Variants in EVL observed in about 807,000 individuals in gnomAD.
EVL encodes Enah/Vasp-like, also known as ena/VASP-like protein.
EVL carries 21 observed loss-of-function variants against 59.6 expected under a neutral mutation model. That is an observed-to-expected ratio of 0.35 (90% CI 0.25 to 0.51). The LOEUF is 0.51. Among genes scored for constraint, EVL ranks in the 20% least tolerant of loss-of-function variants. The pLI, the probability that EVL is intolerant of heterozygous loss-of-function variation, is 0.97. For synonymous variants in EVL, 198 were observed against 203.5 expected (o/e 0.97, Z 0.23); for missense variants, 462 against 546.6 (o/e 0.85, Z 1.54).
intron 1 of EVL, among the ~76,000 whole-genome samples, chr14:99,986,954 T>C (rs1465025203): frequency 2.0e-5 from 3 of 152,154 alleles, no homozygotes; most frequent in Non-Finnish European, 2.9e-5. Flanking sequence ...AGAACTCTTA[T>C]GGGAGAAAAT....
intron 1 of EVL, among the ~76,000 whole-genome samples, chr14:100,007,455 T>G (rs2060989707): frequency 6.6e-6 from 1 of 152,210 alleles, no homozygotes; most frequent in Non-Finnish European, 1.5e-5. Flanking sequence ...GGCCCCAAGA[T>G]TTATTTTCCT....
intron 2 of EVL, among the ~76,000 whole-genome samples, chr14:100,089,155 C>A (rs2140307836): frequency 6.6e-6 from 1 of 152,274 alleles, no homozygotes; most frequent in East Asian, 1.9e-4. Context: ...ACGCAAAAAT[C>A]TAAAGGGAGA....
At position 100,004,446 on chromosome 14, in the gene EVL, G is replaced by A. The variant is rs117010932; in HGVS notation, c.5+32389G>A. On this transcript the variant is annotated intron_variant, in intron 1 of 13. Transcript: ENST00000402714. ...GAGTAAATCAATCCCTTAAGAAAAT[G>A]TTACTGTTCTAGTCAGTTCTTTAGT... Among the ~76,000 whole-genome samples the A allele has an allele frequency of 5.0e-3, 762 of 151,584 alleles. 2 individuals are homozygous for A. The highest frequency in any genetic ancestry group is 0.017 in the Middle Eastern group (5 of 294).
chr14:100,008,020 A>C (rs915855950), intron 1 of EVL, among the ~76,000 whole-genome samples: 6 of 152,170 alleles, frequency 3.9e-5, no homozygotes, highest in African/African-American at 1.4e-4. Context: ...CTCATTTCCC[A>C]GTCGCCACTG....
At chr14:99,973,611 T>TA (rs1350211563) in intron 1 of EVL, among the ~76,000 whole-genome samples, 2 of 152,168 alleles carry the variant, frequency 1.3e-5, no homozygotes, top group Non-Finnish European at 2.9e-5. Context: ...TACAGGTACG[T>TA]ACCACCACAC....
At chr14:99,971,871 C>G (rs2060735245) in exon 1 of EVL, 1 of 147,518 alleles carries the variant, frequency 6.8e-6, no homozygotes, top group Admixed American at 6.8e-5. Context: ...TTCCCCGCAG[C>G]TAGCGGCCCC....
chr14:99,972,380 C>G lies in EVL; in HGVS notation c.5+323C>G, dbSNP rs1216745713. The stretch of plus-strand genomic sequence containing the variant: ...GGCCTGCGGCGGCCTGGGAGGCAGA[C>G]CCCCGCGGGCAGGTGTGGCCGTGTC... On this transcript the variant is annotated intron_variant, in intron 1 of 13. Transcript: ENST00000402714. This position sits in a 1 kb window ranked among gnomAD's most constrained non-coding sequence, Gnocchi z 4.4. Among the ~76,000 whole-genome samples, 1 of 152,052 alleles carries G rather than the reference C, an allele frequency of 6.6e-6. No individual in the cohort carries two copies. The highest frequency in any genetic ancestry group is 2.4e-5 in the African/African-American group (1 of 41,410).
chr14:100,031,606 G>A (rs185892402), intron 1 of EVL, among the ~76,000 whole-genome samples: 1 of 152,230 alleles, frequency 6.6e-6, no homozygotes, highest in Admixed American at 6.5e-5. Flanking sequence ...GCTGGTTCGT[G>A]GTCTTTCCTG....
At chr14:100,092,293 C>T (rs2062581687) in intron 2 of EVL, among the ~76,000 whole-genome samples, 1 of 152,122 alleles carries the variant, frequency 6.6e-6, no homozygotes, top group African/African-American at 2.4e-5. Flanking sequence ...TTCTTATATC[C>T]TTACAAGTAC....
chr14:100,126,666 G>A (rs181270472), intron 4 of EVL, 41 bp from the exon 5 acceptor site: 1 of 1,609,774 alleles, frequency 6.2e-7, no homozygotes, highest in South Asian at 1.1e-5. Context: ...GTGGTCTCCA[G>A]AGTGGAGGAG....
chr14:100,090,250 T>C (rs1382706726), intron 2 of EVL, among the ~76,000 whole-genome samples: 2 of 152,072 alleles, frequency 1.3e-5, no homozygotes, highest in Admixed American at 1.3e-4. Flanking sequence ...GCCAATATAA[T>C]GAATGAAAGG....
chr14:100,093,495 G>T (rs80229533), intron 2 of EVL, among the ~76,000 whole-genome samples: 1,538 of 152,250 alleles, frequency 0.01, 20 homozygotes, highest in Non-Finnish European at 0.016. Flanking sequence ...GTCATAGACC[G>T]TTGGGGGCTG....
At chr14:100,137,507 G>GT (rs1888875815) in intron 9 of EVL, 71 bp from the exon 10 acceptor site, 9 of 1,523,722 alleles carry the variant, frequency 5.9e-6, no homozygotes, top group Non-Finnish European at 7.3e-6. Context: ...CTGTTGGGGT[G>GT]TTTAGGGGAT....
intron 3 of EVL, among the ~76,000 whole-genome samples, chr14:100,112,740 A>C (rs1054143902): frequency 1.3e-5 from 2 of 152,198 alleles, no homozygotes; most frequent in Non-Finnish European, 2.9e-5. Context: ...AGTTTGTCTT[A>C]AGAACGACCC....
chr14:100,087,170 C>G (rs534883213), intron 2 of EVL, among the ~76,000 whole-genome samples: 1 of 152,168 alleles, frequency 6.6e-6, no homozygotes, highest in African/African-American at 2.4e-5. Flanking sequence ...ATTATCATCA[C>G]CATTTTGCTA....
chr14:100,066,656 A>G (rs1429874646), intron 1 of EVL, among the ~76,000 whole-genome samples: 2 of 152,228 alleles, frequency 1.3e-5, no homozygotes, highest in Non-Finnish European at 2.9e-5. Context: ...AGGCATATCA[A>G]CTTCCAAAGT....
intron 2 of EVL, among the ~76,000 whole-genome samples, chr14:100,094,045 G>A (rs61984516): frequency 0.031 from 4,666 of 152,174 alleles, 113 homozygotes; most frequent in Non-Finnish European, 0.047. Flanking sequence ...ATAGGGTTCT[G>A]TACTACCCAC....
intron 2 of EVL, among the ~76,000 whole-genome samples, chr14:100,086,680 C>G (rs1032029174): frequency 2.0e-5 from 3 of 152,202 alleles, no homozygotes; most frequent in African/African-American, 7.2e-5. Context: ...TTCCCCACTC[C>G]GGGAGGGACT....
intron 2 of EVL, among the ~76,000 whole-genome samples, chr14:100,086,054 A>G (rs2062435768): frequency 6.6e-6 from 1 of 152,148 alleles, no homozygotes; most frequent in African/African-American, 2.4e-5. Context: ...GCGTGAACCC[A>G]GGAGGCAGAG....
Sources: gnomAD v4.1 joint callset for allele counts (sites outside exome capture counted in the v4.1 genomes callset) on GRCh38, gnomAD v4.1.1 for gene constraint, Gnocchi (gnomAD v3.1) non-coding constraint, MANE v1.5 for transcripts, NCBI Gene and HGNC (gene_info 2026-07-23, HGNC 2026-07-21) for gene names.